The following RAPGEF4 variants were observed in gnomAD, a reference collection of about 807,000 sequenced individuals.
RAPGEF4 encodes RAP guanine-nucleotide-exchange factor (GEF) 4.
In RAPGEF4, 66 loss-of-function variants were observed where a neutral mutation model predicts 147.9. That is an observed-to-expected ratio of 0.45 (90% CI 0.37 to 0.55). The LOEUF is 0.55. Among genes scored for constraint, RAPGEF4 ranks in the 20% least tolerant of loss-of-function variants. The pLI is 0.00. For synonymous variants in RAPGEF4, 419 were observed against 442.7 expected, an observed-to-expected ratio of 0.95 and a Z score of 0.67; for missense variants, 1,071 against 1,257.3, an observed-to-expected ratio of 0.85 and a Z score of 2.24.
chr2:172,762,414 A>G (rs1046389316), intron 1 of RAPGEF4, among the ~76,000 whole-genome samples: 10 of 152,180 alleles, frequency 6.6e-5, no homozygotes, highest in Admixed American at 3.3e-4. Flanking sequence ...ACTGAGATCT[A>G]TGCTCTTTAT....
chr2:172,884,524 G>A lies in RAPGEF4; in HGVS notation c.445-33278G>A, dbSNP rs140078769. Among the ~76,000 whole-genome samples, 185 of 152,328 alleles carry A rather than the reference G, an allele frequency of 1.2e-3. 4 individuals carry two copies. Among genetic ancestry groups the A allele is most frequent in the African/African-American group, 4.1e-3 (172 of 41,574 alleles). Reference sequence around the variant, plus strand: ...CATACTACTTGTCAGCATAGTGCGTGCTTGAACCAGCTGGAGATTCCAAAG... The same window carrying A: ...CATACTACTTGTCAGCATAGTGCGTACTTGAACCAGCTGGAGATTCCAAAG... On this transcript the variant is annotated intron_variant, in intron 4 of 30. Transcript: ENST00000397081.
At position 172,857,426 on chromosome 2, in the gene RAPGEF4, G is replaced by A. The variant is rs150195266; in HGVS notation, c.444+43001G>A. Among the ~76,000 whole-genome samples, 5 of 152,314 alleles carry A rather than the reference G, an allele frequency of 3.3e-5. 1 individual carries two copies. The highest frequency in any genetic ancestry group is 1.2e-4 in the African/African-American group (5 of 41,564). Reference sequence around the variant, plus strand: ...ACTCATCCCAAGATCTCATTACTCAGTGGATACTTCATATGTCTTTCGGTG... The same window carrying A: ...ACTCATCCCAAGATCTCATTACTCAATGGATACTTCATATGTCTTTCGGTG... On this transcript the variant is annotated intron_variant, in intron 4 of 30. Transcript: ENST00000397081.
intron 1 of RAPGEF4, among the ~76,000 whole-genome samples, chr2:172,794,313 C>T (rs888098699): frequency 2.1e-5 from 3 of 144,212 alleles, no homozygotes; most frequent in Admixed American, 7.2e-5. Context: ...TGCCATTGCA[C>T]TCCAGCCTGG....
intron 1 of RAPGEF4, among the ~76,000 whole-genome samples, chr2:172,787,599 C>CTTTCTTTA (rs1553509672): frequency 6.9e-6 from 1 of 145,384 alleles, no homozygotes; most frequent in Non-Finnish European, 1.5e-5. Context: ...AAACAAAGTG[C>CTTTCTTTA]TTTATTTATT....
rs554147500 is a variant in RAPGEF4 at position 172,745,763 on chromosome 2, C to T, written c.65+9715C>T. Among the ~76,000 whole-genome samples the T allele has an allele frequency of 3.4e-4, 52 of 152,196 alleles. 1 individual carries two copies. Among genetic ancestry groups the T allele is most frequent in the African/African-American group, 1.2e-3 (51 of 41,520 alleles). On this transcript the variant is annotated intron_variant, in intron 1 of 30. Coordinates refer to ENST00000397081, the MANE Select transcript of RAPGEF4 (RefSeq NM_007023.4). ...TATTTGTAAACTTAAACTATTTCTG[C>T]TGGAGAAGAACAATTAATCAAGCTG...
intron 17 of RAPGEF4, among the ~76,000 whole-genome samples, chr2:173,008,239 G>A (rs1338554705): frequency 6.6e-6 from 1 of 152,152 alleles, no homozygotes; most frequent in Non-Finnish European, 1.5e-5. Flanking sequence ...CCCCAGCCCT[G>A]TGGAACTCTT....
chr2:172,957,934 G>A (rs3769249), intron 6 of RAPGEF4, among the ~76,000 whole-genome samples: 56,950 of 152,148 alleles, frequency 0.37, 11,108 homozygotes, highest in Admixed American at 0.46. Context: ...CAGAAAGGGA[G>A]CTGTCCAACA....
chr2:172,973,570 C>T (rs963418647), intron 10 of RAPGEF4, among the ~76,000 whole-genome samples: 7 of 152,186 alleles, frequency 4.6e-5, no homozygotes, highest in African/African-American at 2.4e-5. Flanking sequence ...AGGGAGTGAC[C>T]GGACAGGAGC....
intron 1 of RAPGEF4, among the ~76,000 whole-genome samples, chr2:172,750,359 C>G (rs10187070): frequency 0.17 from 25,765 of 151,862 alleles, 2,345 homozygotes; most frequent in South Asian, 0.23. Flanking sequence ...TGAAAGGCAC[C>G]TCTTATATTG....
chr2:173,037,290 GC>G (rs34755660), intron 29 of RAPGEF4, among the ~76,000 whole-genome samples: 54,501 of 151,960 alleles, frequency 0.36, 10,417 homozygotes, highest in Non-Finnish European at 0.44. Flanking sequence ...TGTGATCATA[GC>G]CTCACTATAG....
At chr2:173,011,188 A>C (rs979161365) in intron 17 of RAPGEF4, among the ~76,000 whole-genome samples, 1 of 151,820 alleles carries the variant, frequency 6.6e-6, no homozygotes, top group Non-Finnish European at 1.5e-5. Context: ...ACACACACAC[A>C]CACACACACA....
intron 4 of RAPGEF4, among the ~76,000 whole-genome samples, chr2:172,831,266 CTT>C (rs71018521): frequency 2.6e-4 from 14 of 53,890 alleles, no homozygotes; most frequent in South Asian, 7.7e-4. Flanking sequence ...AGATAGAAAA[CTT>C]TTTTTTTTTT....
At position 172,926,604 on chromosome 2, in the gene RAPGEF4, G is replaced by A. The variant is rs191146005; in HGVS notation, c.537+4304G>A. On this transcript the variant is annotated intron_variant, in intron 6 of 30. Coordinates refer to ENST00000397081, the MANE Select transcript of RAPGEF4 (RefSeq NM_007023.4). The stretch of plus-strand genomic sequence containing the variant: ...TGTTTGTTTTTCAAGATGGAGTCTC[G>A]CTCTGTCACCAGGCTGGAGTGCAGT... Among the ~76,000 whole-genome samples the A allele has an allele frequency of 1.1e-4, 17 of 152,012 alleles. No homozygotes were observed. The East Asian group carries it at 2.5e-3, about 23-fold the overall frequency.
At chr2:172,868,534 G>A (rs1302738704) in intron 4 of RAPGEF4, among the ~76,000 whole-genome samples, 3 of 152,206 alleles carry the variant, frequency 2.0e-5, no homozygotes, top group Non-Finnish European at 4.4e-5. Flanking sequence ...AAAGAGCCAT[G>A]TGTACAGCTC....
intron 10 of RAPGEF4, among the ~76,000 whole-genome samples, chr2:172,982,483 A>G (rs1162631857): frequency 2.6e-5 from 4 of 152,238 alleles, no homozygotes; most frequent in African/African-American, 9.6e-5. Context: ...TTTCAAAAAC[A>G]TATTAGTTAG....
chr2:172,990,679 T>C (rs1429143556), intron 14 of RAPGEF4, 131 bp from the exon 15 acceptor site: 1 of 671,596 alleles, frequency 1.5e-6, no homozygotes, highest in Non-Finnish European at 2.6e-6. Flanking sequence ...CCCTTGACTT[T>C]GAAAATGACT....
intron 4 of RAPGEF4, among the ~76,000 whole-genome samples, chr2:172,853,475 G>A (rs1365973694): frequency 6.6e-6 from 1 of 151,922 alleles, no homozygotes; most frequent in Non-Finnish European, 1.5e-5. Flanking sequence ...CAGATACACT[G>A]CAAAGAACCA....
intron 1 of RAPGEF4, among the ~76,000 whole-genome samples, chr2:172,789,014 T>C (rs1685534963): frequency 1.3e-5 from 2 of 152,380 alleles, no homozygotes; most frequent in South Asian, 4.1e-4. Flanking sequence ...GTGGTAAGCC[T>C]GAGGTCCTTG....
chr2:172,827,000 T>C (rs2149654430), intron 4 of RAPGEF4, among the ~76,000 whole-genome samples: 1 of 152,148 alleles, frequency 6.6e-6, no homozygotes, highest in Non-Finnish European at 1.5e-5. Flanking sequence ...TTTAAAATAG[T>C]GTTTTAAATG....
Sources: allele counts gnomAD v4.1 joint callset (sites outside exome capture counted in the v4.1 genomes callset), GRCh38; gene constraint gnomAD v4.1.1; transcripts MANE v1.5; gene names NCBI Gene and HGNC (gene_info 2026-07-23, HGNC 2026-07-21).